Variants in CDKL1 observed in about 807,000 individuals in gnomAD.
CDKL1 encodes cyclin-dependent kinase-like 1.
A neutral mutation model predicts 42.0 loss-of-function variants in CDKL1; 41 were observed. The observed-to-expected ratio is 0.98, with a 90% CI of 0.76 to 1.27. The LOEUF is 1.27. Ranked by LOEUF, CDKL1 falls within the 50% of genes most tolerant of loss-of-function variation. CDKL1 has a pLI of 0.00. For synonymous variants in CDKL1, 153 were observed against 158.6 expected (o/e 0.96, Z 0.26); for missense variants, 394 against 428.4 (o/e 0.92, Z 0.71).
At chr14:50,337,328 C>CT (rs545014608) in intron 7 of CDKL1, among the ~76,000 whole-genome samples, 17,815 of 138,932 alleles carry the variant, frequency 0.13, 1,104 homozygotes, top group East Asian at 0.16. Context: ...TTATAACCGT[C>CT]TTTTTTTTTT....
chr14:50,332,409 A>G lies in CDKL1; in HGVS notation c.819T>C (p.Thr273=). Residue 273 remains threonine, a synonymous_variant, in exon 9 of 10, where the codon ACT becomes ACC. Transcript: ENST00000395834. ...LLKGCLHMDP[T]QRLTCEQLLH... is the part of the protein sequence containing the mutation. Reference sequence around the variant, plus strand: ...ACAGCTGTTCACATGTCAGCCTTTGAGTAGGGTCCATGTGGAGACAGCCCT... The same window carrying G: ...ACAGCTGTTCACATGTCAGCCTTTGGGTAGGGTCCATGTGGAGACAGCCCT... 3 of 1,613,764 alleles carry G rather than the reference A, an allele frequency of 1.9e-6. No homozygotes were observed. The East Asian group carries it at 6.7e-5, about 36-fold the overall frequency.
chr14:50,397,178 C>A (rs1045999976), upstream of CDKL1: 4 of 1,366,612 alleles, frequency 2.9e-6, no homozygotes, highest in Non-Finnish European at 3.9e-6. Flanking sequence ...GGAGCCCCTC[C>A]TGAGCGGTCC....
At chr14:50,336,133 G>C in intron 7 of CDKL1, 1 of 1,365,762 alleles carries the variant, frequency 7.3e-7, no homozygotes, top group Admixed American at 1.9e-5. Context: ...CTGGTTGCCT[G>C]TGATACGCTG....
chr14:50,389,629 A>G (rs2035193884), intron 2 of CDKL1, among the ~76,000 whole-genome samples: 1 of 152,072 alleles, frequency 6.6e-6, no homozygotes, highest in Admixed American at 6.5e-5. Flanking sequence ...GTAGGTGGCA[A>G]ACCTACAAAG....
intron 2 of CDKL1, among the ~76,000 whole-genome samples, chr14:50,365,777 G>A (rs1032188832): frequency 3.3e-5 from 5 of 152,198 alleles, no homozygotes; most frequent in Non-Finnish European, 5.9e-5. Context: ...CCCTCAATCT[G>A]GACGGGCACC....
At chr14:50,332,529 C>T in intron 8 of CDKL1, 97 bp from the exon 9 acceptor site, 1 of 1,506,732 alleles carries the variant, frequency 6.6e-7, no homozygotes, top group Non-Finnish European at 8.8e-7. Context: ...ACTTCAGTTG[C>T]AATAAGAAGG....
Position 50,327,127 on chromosome 14 carries a change from G to C in CDKL1, c.*2947C>G, listed in dbSNP as rs2032735652. On this transcript the variant is annotated 3_prime_UTR_variant, in exon 10 of 10. Transcript: ENST00000395834. Reference sequence around the variant, plus strand: ...CAGATCATTTGAGCCCAGGAGTTCAGGACGAGCCTGGGCAACATGGCAAAA... The same window carrying C: ...CAGATCATTTGAGCCCAGGAGTTCACGACGAGCCTGGGCAACATGGCAAAA... The C allele has an allele frequency of 6.8e-6, 1 of 146,758 alleles. No individual in the cohort carries two copies. The highest frequency in any genetic ancestry group is 1.5e-5 in the Non-Finnish European group (1 of 67,912). The allele number at this position is 146,758 out of a possible 1,614,324, so 9.1% of individuals were successfully genotyped here. A position where few individuals can be genotyped will look rare whatever the true frequency, so the allele number is the denominator to read the frequency against.
chr14:50,378,379 G>A, intron 2 of CDKL1: 5 of 1,366,546 alleles, frequency 3.7e-6, no homozygotes, highest in African/African-American at 1.5e-5. Flanking sequence ...CTGCCTCATA[G>A]GTACCAGCAG....
At chr14:50,389,210 C>T (rs1052617776) in intron 2 of CDKL1, among the ~76,000 whole-genome samples, 5 of 151,434 alleles carry the variant, frequency 3.3e-5, no homozygotes, top group South Asian at 2.1e-4. Context: ...TCAAAGGGGA[C>T]AGCAGGGAAA....
chr14:50,332,616 T>C, intron 8 of CDKL1, 184 bp from the exon 9 acceptor site: 3 of 1,503,914 alleles, frequency 2.0e-6, no homozygotes, highest in South Asian at 1.2e-5. Context: ...ACATATTAAA[T>C]AAATAGTTTC....
intron 2 of CDKL1, among the ~76,000 whole-genome samples, chr14:50,382,607 T>A (rs2034948101): frequency 6.6e-6 from 1 of 151,612 alleles, no homozygotes; most frequent in Admixed American, 6.6e-5. Context: ...TCTTTTTTTT[T>A]ATTTTTGGCC....
chr14:50,356,788 T>G (rs2034070453), intron 3 of CDKL1, among the ~76,000 whole-genome samples: 1 of 152,226 alleles, frequency 6.6e-6, no homozygotes. Context: ...AGGTTGCTTG[T>G]AATTAATCAC....
rs58307197 is a variant in CDKL1, at chr14:50,360,786, T to TTGTGTGTGTGTG, written c.169-1649_169-1638dup. Among the ~76,000 whole-genome samples, 151 of 144,694 alleles carry TTGTGTGTGTGTG rather than the reference T, an allele frequency of 1.0e-3. 1 individual carries two copies. The highest frequency in any genetic ancestry group is 3.4e-3 in the African/African-American group (131 of 38,788). The allele number at this position is 144,694 out of a possible 152,430, so 94.9% of individuals were successfully genotyped here. ...GGTGGAATGATAGACGTGTGTGTGTTTGTGTGTGTGTGTGTGTGTGTGTGT... is the reference window on the plus strand; with the variant it reads ...GGTGGAATGATAGACGTGTGTGTGTTTGTGTGTGTGTGTGTGTGTGTGTGTGTGTGTGTGTGT... On this transcript the variant is annotated intron_variant, in intron 2 of 9. Coordinates refer to ENST00000395834, the MANE Select transcript of CDKL1 (RefSeq NM_004196.7).
chr14:50,359,330 A>G (rs1191670268), intron 2 of CDKL1, among the ~76,000 whole-genome samples, 181 bp from the exon 3 acceptor site: 1 of 152,120 alleles, frequency 6.6e-6, no homozygotes, highest in Non-Finnish European at 1.5e-5. Context: ...TTGTAAGTCA[A>G]AGATGATTAT....
chr14:50,369,330 G>A (rs940393235), intron 2 of CDKL1, among the ~76,000 whole-genome samples: 9 of 151,944 alleles, frequency 5.9e-5, no homozygotes, highest in South Asian at 2.1e-4. Flanking sequence ...TTAGGTCACC[G>A]CAGTCACCCA....
chr14:50,350,267 C>T (rs951776349), intron 3 of CDKL1, among the ~76,000 whole-genome samples: 1 of 152,184 alleles, frequency 6.6e-6, no homozygotes, highest in Admixed American at 6.5e-5. Flanking sequence ...GAACTCATTC[C>T]ACCTTAAGAT....
At chr14:50,341,528 C>T (rs567603886) in intron 5 of CDKL1, among the ~76,000 whole-genome samples, 2 of 150,650 alleles carry the variant, frequency 1.3e-5, no homozygotes, top group African/African-American at 2.4e-5. Flanking sequence ...CTTGTAATCC[C>T]AGCACTTTGG....
intron 3 of CDKL1, chr14:50,358,122 T>C: frequency 7.4e-7 from 1 of 1,353,042 alleles, no homozygotes; most frequent in African/African-American, 1.5e-5. Flanking sequence ...CTTCTTCCAG[T>C]GCACACAAAG....
chr14:50,340,682 C>T (rs980811121), intron 6 of CDKL1, among the ~76,000 whole-genome samples: 4 of 152,174 alleles, frequency 2.6e-5, no homozygotes, highest in African/African-American at 9.7e-5. Flanking sequence ...ATTACCCCAT[C>T]GTCATAAACA....
Sources: gnomAD v4.1 joint callset for allele counts (sites outside exome capture counted in the v4.1 genomes callset) on GRCh38, gnomAD v4.1.1 for gene constraint, MANE v1.5 for transcripts, NCBI Gene and HGNC (gene_info 2026-07-23, HGNC 2026-07-21) for gene names.